Variants in VPS8 observed in about 807,000 individuals in gnomAD.
The protein encoded by VPS8 is vacuolar protein sorting-associated protein 8 homolog.
Under a neutral mutation model 216.4 loss-of-function variants are expected in VPS8, and 129 were observed. The observed-to-expected ratio is 0.60, with a 90% CI of 0.52 to 0.69. The LOEUF is 0.69. VPS8 is among the 30% of genes least tolerant of loss of function. The pLI, the probability that VPS8 is intolerant of heterozygous loss-of-function variation, is 0.00. For synonymous variants in VPS8, 571 were observed against 565.4 expected (o/e 1.01, Z -0.14); for missense variants, 1,531 against 1,683.5 (o/e 0.91, Z 1.59).
At chr3:184,859,234 T>C (rs1339522745) in intron 14 of VPS8, among the ~76,000 whole-genome samples, 1 of 152,212 alleles carries the variant, frequency 6.6e-6, no homozygotes, top group Non-Finnish European at 1.5e-5. Context: ...ATCTCCTTCC[T>C]TCTTAAAACG....
chr3:184,968,435 A>C (rs1421302797), intron 39 of VPS8, among the ~76,000 whole-genome samples: 2 of 152,134 alleles, frequency 1.3e-5, no homozygotes, highest in African/African-American at 4.8e-5. Context: ...TAATTCTGTT[A>C]ATTTTTTGAG....
chr3:184,965,747 GAA>G (rs1169076720), intron 38 of VPS8, among the ~76,000 whole-genome samples: 2 of 152,194 alleles, frequency 1.3e-5, no homozygotes, highest in African/African-American at 4.8e-5. Flanking sequence ...AGGATACAGA[GAA>G]GAGGGAGGTA....
intron 46 of VPS8, among the ~76,000 whole-genome samples, chr3:185,047,677 A>G (rs555040691): frequency 1.3e-5 from 2 of 152,270 alleles, no homozygotes; most frequent in South Asian, 2.1e-4. Flanking sequence ...GACACTTTAA[A>G]TATATATCTC....
At chr3:184,961,592 G>C (rs1746516684) in intron 37 of VPS8, among the ~76,000 whole-genome samples, 1 of 151,718 alleles carries the variant, frequency 6.6e-6, no homozygotes, top group African/African-American at 2.4e-5. Flanking sequence ...TCCTAAACTG[G>C]TGTTTATCCT....
At chr3:184,840,595 C>T (rs994061839) in intron 7 of VPS8, 1 of 151,840 alleles carries the variant, frequency 6.6e-6, no homozygotes, top group South Asian at 2.1e-4. Context: ...GCCTGTAATC[C>T]CAGCTACTCG....
chr3:184,884,745 T>G (rs1031236058), intron 21 of VPS8, among the ~76,000 whole-genome samples: 9 of 152,200 alleles, frequency 5.9e-5, no homozygotes, highest in Non-Finnish European at 1.2e-4. Flanking sequence ...TTTCTGGCAT[T>G]AAAACCCAAG....
chr3:184,860,053 C>T lies in VPS8; in HGVS notation c.1212C>T (p.Leu404=). 1.9e-6 allele frequency: 3 copies of T among 1,610,478 alleles called. No homozygotes were observed. Among genetic ancestry groups the T allele is most frequent in the South Asian group, 1.1e-5 (1 of 90,848 alleles). Reference sequence around the variant, plus strand: ...AGCATCTTCACCTATACTATGACCTCATCAACTTTACCGTGAGTATTATTC... The same window carrying T: ...AGCATCTTCACCTATACTATGACCTTATCAACTTTACCGTGAGTATTATTC... ...KQKHLHLYYD[L]INFTWINSRT... is the part of the protein sequence containing the mutation. Residue 404 remains leucine, a synonymous_variant, in exon 15 of 48, where the codon CTC becomes CTT. Coordinates refer to ENST00000625842, the MANE Select transcript of VPS8 (RefSeq NM_001009921.3).
chr3:184,869,530 T>C lies in VPS8; in HGVS notation c.1644+2T>C. 6.2e-7 allele frequency: 1 copy of C among 1,613,120 alleles called. No individual in the cohort carries two copies. The highest frequency in any genetic ancestry group is 8.5e-7 in the Non-Finnish European group (1 of 1,179,390). On this transcript the variant is annotated splice_donor_variant, in intron 20 of 47. Transcript: ENST00000625842. LOFTEE classifies it high-confidence loss of function. ...CGAAAGGCTATTGTTGCAGACCGGG[T>C]GAGTATTTTAAGAGGGTCTTTACTA...
At chr3:184,982,377 CTT>C (rs2109753370) in intron 40 of VPS8, 187 bp from the exon 41 acceptor site, 1 of 558,286 alleles carries the variant, frequency 1.8e-6, no homozygotes, top group East Asian at 3.0e-5. Flanking sequence ...GTGGTTTCTG[CTT>C]TGTATTGTCT....
chr3:184,817,054 A>C (rs1483222506), intron 1 of VPS8, among the ~76,000 whole-genome samples: 1 of 152,138 alleles, frequency 6.6e-6, no homozygotes, highest in Non-Finnish European at 1.5e-5. Context: ...AGAACATAAA[A>C]CATCTGAGAT....
intron 36 of VPS8, among the ~76,000 whole-genome samples, chr3:184,955,081 C>T (rs570840634): frequency 6.6e-6 from 1 of 152,160 alleles, no homozygotes; most frequent in Non-Finnish European, 1.5e-5. Context: ...GTGAAGGCAC[C>T]TGTTACTTAG....
chr3:184,843,185 A>T lies in VPS8; in HGVS notation c.536-55A>T. On this transcript the variant is annotated intron_variant, in intron 7 of 47. Coordinates refer to ENST00000625842, the MANE Select transcript of VPS8 (RefSeq NM_001009921.3). ...ACCTGCCTTTTCTTCGAACTTTTGA[A>T]CTGATTTCTTGCTTTTCTTTATCTT... is the stretch of plus-strand genomic sequence containing the variant. The T allele has an allele frequency of 3.0e-6, 4 of 1,350,088 alleles. No homozygotes were observed. The South Asian group carries it at 6.3e-5, about 21-fold the overall frequency. The allele number at this position is 1,350,088 out of a possible 1,614,324, so 83.6% of individuals were successfully genotyped here.
intron 46 of VPS8, among the ~76,000 whole-genome samples, chr3:185,043,873 C>T (rs1443464056): frequency 6.6e-6 from 1 of 152,162 alleles, no homozygotes; most frequent in African/African-American, 2.4e-5. Context: ...CACTGCTCCT[C>T]ACACAACCTT....
intron 46 of VPS8, among the ~76,000 whole-genome samples, chr3:185,039,790 G>A (rs531845922): frequency 4.1e-4 from 63 of 152,248 alleles, no homozygotes; most frequent in African/African-American, 1.5e-3. Flanking sequence ...GAAACATGCA[G>A]TAGAAATTGG....
chr3:184,897,142 C>A (rs1359398905), intron 23 of VPS8, among the ~76,000 whole-genome samples: 1 of 151,978 alleles, frequency 6.6e-6, no homozygotes, highest in Non-Finnish European at 1.5e-5. Flanking sequence ...GCAAGAGCAC[C>A]CTGTGCTTTA....
At chr3:184,908,520 G>C (rs1422015084) in intron 25 of VPS8, among the ~76,000 whole-genome samples, 1 of 152,252 alleles carries the variant, frequency 6.6e-6, no homozygotes, top group South Asian at 2.1e-4. Context: ...TGGGGTGTTA[G>C]TGTGCTAATT....
intron 45 of VPS8, among the ~76,000 whole-genome samples, chr3:185,019,379 G>A (rs1256604014): frequency 6.6e-6 from 1 of 152,116 alleles, no homozygotes; most frequent in African/African-American, 2.4e-5. Flanking sequence ...GAAATACAGT[G>A]TGTGGAGTGG....
At chr3:184,940,976 A>G (rs1156451115) in intron 36 of VPS8, among the ~76,000 whole-genome samples, 1 of 152,212 alleles carries the variant, frequency 6.6e-6, no homozygotes, top group Non-Finnish European at 1.5e-5. Context: ...GCTTGTCCCA[A>G]CCCACAGAAT....
At chr3:184,903,766 A>G (rs1035231773) in intron 25 of VPS8, among the ~76,000 whole-genome samples, 2 of 152,136 alleles carry the variant, frequency 1.3e-5, no homozygotes, top group African/African-American at 2.4e-5. Flanking sequence ...TCTTAAAGTC[A>G]CTTTGCTTTC....
Sources: gnomAD v4.1 joint callset for allele counts (sites outside exome capture counted in the v4.1 genomes callset) on GRCh38, gnomAD v4.1.1 for gene constraint, MANE v1.5 for transcripts, NCBI Gene and HGNC (gene_info 2026-07-23, HGNC 2026-07-21) for gene names.